The following PLCB4 variants were observed in gnomAD, a reference collection of about 807,000 sequenced individuals.
The protein encoded by PLCB4 is 1-phosphatidylinositol 4,5-bisphosphate phosphodiesterase beta-4.
Under a neutral mutation model 178.8 loss-of-function variants are expected in PLCB4, and 77 were observed. That is an observed-to-expected ratio of 0.43 (90% CI 0.36 to 0.52). The LOEUF (loss-of-function observed/expected upper bound fraction) is 0.52. PLCB4 is among the 20% of genes least tolerant of loss of function. PLCB4 has a pLI of 0.00. For synonymous variants in PLCB4, 496 were observed against 490.8 expected (o/e 1.01, Z -0.14); for missense variants, 1,024 against 1,453.4 (o/e 0.70, Z 4.80).
chr20:9,409,222 A>T (rs2039681458), intron 24 of PLCB4, 41 bp downstream of exon 24: 4 of 1,540,126 alleles, frequency 2.6e-6, no homozygotes, highest in Non-Finnish European at 3.5e-6. Context: ...CCATGAGAAC[A>T]CTTTGACAGG....
At chr20:9,140,068 C>T (rs954472029) in intron 2 of PLCB4, among the ~76,000 whole-genome samples, 9 of 151,394 alleles carry the variant, frequency 5.9e-5, no homozygotes, top group African/African-American at 2.2e-4. Context: ...TGGAGTAATT[C>T]TCTCCCTCAT....
chr20:9,257,625 A>G (rs1044545167), intron 3 of PLCB4, among the ~76,000 whole-genome samples: 1 of 152,198 alleles, frequency 6.6e-6, no homozygotes, highest in East Asian at 1.9e-4. Context: ...CCAGAAATGG[A>G]AAGATCTTCA....
At chr20:9,114,199 G>A (rs751160298) in intron 2 of PLCB4, among the ~76,000 whole-genome samples, 6 of 152,148 alleles carry the variant, frequency 3.9e-5, no homozygotes, top group Admixed American at 6.6e-5. Context: ...GGGGAACAGA[G>A]AGAGACTTTG....
At chr20:9,304,221 G>GTGTA (rs934070913) in intron 3 of PLCB4, among the ~76,000 whole-genome samples, 38 of 151,200 alleles carry the variant, frequency 2.5e-4, no homozygotes, top group African/African-American at 9.1e-4. Context: ...TGATTAAGGG[G>GTGTA]TGTATGTATG....
chr20:9,385,983 G>A (rs878975603), intron 14 of PLCB4, among the ~76,000 whole-genome samples: 1 of 152,232 alleles, frequency 6.6e-6, no homozygotes, highest in Non-Finnish European at 1.5e-5. Context: ...TTGAGTGAGC[G>A]AGACTCCGTC....
rs757798718 is a variant in PLCB4, at chr20:9,360,262, T to C, written c.370-2634T>C. On this transcript the variant is annotated intron_variant, in intron 7 of 39. Transcript: ENST00000378473. ...GTGGCATTTCCTACTAACTAAAGCA[T>C]GGGCCCTGTCACTGGAGTGATGGCC... is the stretch of plus-strand genomic sequence containing the variant. Among the ~76,000 whole-genome samples, 45 of 152,226 alleles carry C rather than the reference T, an allele frequency of 3.0e-4. 1 individual carries two copies. The highest frequency in any genetic ancestry group is 5.1e-4 in the Non-Finnish European group (35 of 68,040).
At chr20:9,146,918 A>C (rs1460092380) in intron 2 of PLCB4, among the ~76,000 whole-genome samples, 2 of 152,180 alleles carry the variant, frequency 1.3e-5, no homozygotes, top group African/African-American at 4.8e-5. Flanking sequence ...TGGATTTCAG[A>C]TATTTTTGGA....
intron 4 of PLCB4, among the ~76,000 whole-genome samples, chr20:9,314,249 A>G (rs1031077420): frequency 6.6e-6 from 1 of 152,130 alleles, no homozygotes; most frequent in Non-Finnish European, 1.5e-5. Flanking sequence ...GGAACCTTTG[A>G]TGGGGTTTCA....
intron 2 of PLCB4, among the ~76,000 whole-genome samples, chr20:9,116,191 A>C (rs1256324886): frequency 1.3e-5 from 2 of 151,848 alleles, no homozygotes; most frequent in Admixed American, 6.6e-5. Flanking sequence ...TATGAAACAA[A>C]ATTTAAAGTT....
intron 3 of PLCB4, among the ~76,000 whole-genome samples, chr20:9,279,060 A>C (rs2094473104): frequency 6.6e-6 from 1 of 152,022 alleles, no homozygotes; most frequent in Non-Finnish European, 1.5e-5. Flanking sequence ...TGTATGTTGG[A>C]TGGCCTCAAT....
chr20:9,408,179 C>T (rs570600197), intron 22 of PLCB4, 121 bp downstream of exon 22: 2 of 817,320 alleles, frequency 2.4e-6, no homozygotes, highest in Admixed American at 2.4e-5. Context: ...TCCACCTCAC[C>T]TTATTTTTGT....
intron 12 of PLCB4, among the ~76,000 whole-genome samples, chr20:9,377,397 T>C (rs185827308): frequency 4.7e-4 from 72 of 152,316 alleles, no homozygotes; most frequent in African/African-American, 1.7e-3. Context: ...TGCAGCCTTA[T>C]TACTGTGAGA....
chr20:9,347,413 G>A (rs1382323532), intron 7 of PLCB4, among the ~76,000 whole-genome samples: 1 of 152,154 alleles, frequency 6.6e-6, no homozygotes, highest in African/African-American at 2.4e-5. Context: ...TAGAACCATA[G>A]CTATAGACAT....
chr20:9,352,130 G>T (rs2034401161), intron 7 of PLCB4, among the ~76,000 whole-genome samples: 1 of 152,122 alleles, frequency 6.6e-6, no homozygotes, highest in Non-Finnish European at 1.5e-5. Context: ...GCCAAATAAT[G>T]TTACATAAAA....
At chr20:9,369,880 G>A (rs1259340172) in intron 9 of PLCB4, among the ~76,000 whole-genome samples, 1 of 152,188 alleles carries the variant, frequency 6.6e-6, no homozygotes, top group Admixed American at 6.5e-5. Flanking sequence ...TGCTCACAGG[G>A]GAGGCATTCC....
At chr20:9,384,705 G>A (rs35013917) in intron 14 of PLCB4, among the ~76,000 whole-genome samples, 12,502 of 150,714 alleles carry the variant, frequency 0.083, 683 homozygotes, top group African/African-American at 0.15. Flanking sequence ...GGCGTGTTGA[G>A]TTTTTTGTTG....
chr20:9,312,397 C>T (rs552348936), intron 4 of PLCB4, among the ~76,000 whole-genome samples: 22 of 149,464 alleles, frequency 1.5e-4, no homozygotes, highest in Admixed American at 1.2e-3. Context: ...CACACACACA[C>T]GCACGCACTC....
intron 33 of PLCB4, among the ~76,000 whole-genome samples, chr20:9,455,352 T>C (rs1285486040): frequency 6.6e-6 from 1 of 152,158 alleles, no homozygotes; most frequent in African/African-American, 2.4e-5. Context: ...CCAAGCACCA[T>C]AGAGTAAATT....
intron 30 of PLCB4, among the ~76,000 whole-genome samples, chr20:9,440,801 GGA>G (rs891127603): frequency 6.6e-6 from 1 of 152,140 alleles, no homozygotes; most frequent in African/African-American, 2.4e-5. Flanking sequence ...AGATACTAGA[GGA>G]GAGAGACTTT....
Sources: gnomAD v4.1 joint callset for allele counts (sites outside exome capture counted in the v4.1 genomes callset) on GRCh38, gnomAD v4.1.1 for gene constraint, MANE v1.5 for transcripts, NCBI Gene and HGNC (gene_info 2026-07-23, HGNC 2026-07-21) for gene names.